The following WRAP53 variants were observed in gnomAD, a reference collection of about 807,000 sequenced individuals.
The protein encoded by WRAP53 is telomerase Cajal body protein 1.
WRAP53 carries 28 observed loss-of-function variants against 56.6 expected under a neutral mutation model. The observed-to-expected ratio is 0.50, with a 90% CI of 0.37 to 0.68. The LOEUF is 0.68. Among genes scored for constraint, WRAP53 ranks in the 30% least tolerant of loss-of-function variants. The pLI, the probability that WRAP53 is intolerant of heterozygous loss-of-function variation, is 0.00. For synonymous variants in WRAP53, 283 were observed against 283.4 expected (o/e 1.00, Z 0.01); for missense variants, 671 against 715.5 (o/e 0.94, Z 0.71).
chr17:7,696,066 C>G (rs541478763), intron 4 of WRAP53, among the ~76,000 whole-genome samples: 20 of 152,124 alleles, frequency 1.3e-4, no homozygotes. Flanking sequence ...GAAAGAGGAA[C>G]AGGGGCGCCT....
Position 7,702,082 on chromosome 17 carries a change from G to T in WRAP53, c.956-262G>T. 2.8e-6 allele frequency: 2 copies of T among 716,220 alleles called. No individual in the cohort carries two copies. The highest frequency in any genetic ancestry group is 5.0e-6 in the Non-Finnish European group (2 of 404,032). The allele number at this position is 716,220 out of a possible 1,614,324, so 44.4% of individuals were successfully genotyped here. A position where few individuals can be genotyped will look rare whatever the true frequency, so the allele number is the denominator to read the frequency against. Reference sequence around the variant, plus strand: ...GAAAATTGTTGATAAAGCTGATTCCGTTTTCCTGTAGGCCTTCAACTTGCA... The same window carrying T: ...GAAAATTGTTGATAAAGCTGATTCCTTTTTCCTGTAGGCCTTCAACTTGCA... On this transcript the variant is annotated intron_variant, in intron 7 of 10. Transcript: ENST00000396463. The surrounding 1 kb of genome is among the most constrained non-coding windows in gnomAD (Gnocchi z 5.0).
chr17:7,694,718 C>T (rs1481667482), intron 4 of WRAP53, among the ~76,000 whole-genome samples: 3 of 152,072 alleles, frequency 2.0e-5, no homozygotes, highest in Admixed American at 6.6e-5. Context: ...GTCCCAGCTA[C>T]TTGGGAGGCT....
chr17:7,699,872 C>A (rs2074251432), intron 4 of WRAP53, among the ~76,000 whole-genome samples: 1 of 148,556 alleles, frequency 6.7e-6, no homozygotes, highest in Admixed American at 6.7e-5. Context: ...GTAGCTGGGA[C>A]TACAGGCATG....
chr17:7,703,464 G>T lies in WRAP53; in HGVS notation c.1625G>T (p.Gly542Val), dbSNP rs2074304916. 6.2e-7 allele frequency: 1 copy of T among 1,613,816 alleles called. No homozygotes were observed. The highest frequency in any genetic ancestry group is 2.2e-5 in the East Asian group (1 of 44,848). Residue 542 changes from glycine to valine, a missense_variant, in exon 11 of 11, where the codon GGA becomes GTA. Gly to Val is a moderately radical substitution (Grantham distance 109). Coordinates refer to ENST00000396463, the MANE Select transcript of WRAP53 (RefSeq NM_001143992.2). The part of the protein sequence containing the change: ...QGEKGQGGTE[G>V]GVGELI ...GAGAAAGGGCAGGGAGGAACGGAGG[G>T]AGGTGTGGGTGAGCTGATATAAAAA...
chr17:7,695,372 C>CT (rs1414563737), intron 4 of WRAP53, among the ~76,000 whole-genome samples: 29 of 152,242 alleles, frequency 1.9e-4, no homozygotes, highest in Non-Finnish European at 3.4e-4. Flanking sequence ...TTTCTCCTTT[C>CT]TTTTCCACCT....
rs138784430 is a variant in WRAP53 at position 7,702,423 on chromosome 17, C to G, written c.1035C>G (p.Tyr345Ter). 3 of 1,614,008 alleles carry G rather than the reference C, an allele frequency of 1.9e-6. No individual in the cohort carries two copies. Among genetic ancestry groups the G allele is most frequent in the African/African-American group, 2.7e-5 (2 of 74,922 alleles). ...PAQPLYACGS[Y>*]GRSLGLYAWD... Reference sequence around the variant, plus strand: ...AGCCCCTCTATGCCTGTGGCTCCTACGGCCGCTCCCTGGGTCTGTATGCCT... The same window carrying G: ...AGCCCCTCTATGCCTGTGGCTCCTAGGGCCGCTCCCTGGGTCTGTATGCCT... Residue 345 changes from tyrosine (Y) to a stop codon, truncating the protein, a stop_gained, in exon 8 of 11, where the codon TAC (tyrosine) becomes TAG (stop). Transcript: ENST00000396463. LOFTEE classifies it high-confidence loss of function. This position sits in a 1 kb window ranked among gnomAD's most constrained non-coding sequence, Gnocchi z 5.0.
chr17:7,687,095 C>T (rs2074010231), upstream of WRAP53: 2 of 388,520 alleles, frequency 5.1e-6, no homozygotes, highest in Admixed American at 4.5e-5. Context: ...CAAAGAAGTA[C>T]GCTTTAGGCC....
intron 4 of WRAP53, among the ~76,000 whole-genome samples, chr17:7,693,739 A>G (rs1251218542): frequency 6.6e-6 from 1 of 152,162 alleles, no homozygotes; most frequent in Admixed American, 6.5e-5. Flanking sequence ...ATAAAATTAA[A>G]AAAAAGTACT....
At chr17:7,690,881 C>T (rs1161984154) in intron 4 of WRAP53, among the ~76,000 whole-genome samples, 1 of 152,014 alleles carries the variant, frequency 6.6e-6, no homozygotes, top group Non-Finnish European at 1.5e-5. Flanking sequence ...CACTGCACTC[C>T]AGCCTGGGCG....
In WRAP53 at chr17:7,701,770, C is replaced by T. The variant is rs73248508; in HGVS notation, c.936C>T (p.Cys312=). The change falls in exon 7 of 11, where the codon TGC becomes TGT. Residue 312 remains cysteine, a synonymous_variant. Transcript: ENST00000396463. The surrounding 1 kb of genome is among the most constrained non-coding windows in gnomAD (Gnocchi z 4.2). ...CCACGGCCCGGCCTGGCCGAGACTG[C>T]GAGGTCCGAGCCACATTTGGTAAGC... ...VFSTARPGRD[C]EVRATFAKKQ... is the part of the protein sequence containing the mutation. 4,305 of 1,613,614 alleles carry T rather than the reference C, an allele frequency of 2.7e-3. 15 individuals carry two copies. The highest frequency in any genetic ancestry group is 0.015 in the African/African-American group (1,136 of 75,064).
In WRAP53 at chr17:7,688,499, T is replaced by C; in HGVS notation, c.-64T>C. 1.3e-6 allele frequency: 1 copy of C among 792,770 alleles called. No homozygotes were observed. The highest frequency in any genetic ancestry group is 2.0e-6 in the Non-Finnish European group (1 of 505,516). The allele number at this position is 792,770 out of a possible 1,614,324, so 49.1% of individuals were successfully genotyped here. On this transcript the variant is annotated 5_prime_UTR_variant, in exon 1 of 11. Transcript: ENST00000396463. Reference sequence around the variant, plus strand: ...CACAGTGCTTTCAAAAGAATTGGCGTCCGCTGTTCGCCTCTCCTCCCGGGA... The same window carrying C: ...CACAGTGCTTTCAAAAGAATTGGCGCCCGCTGTTCGCCTCTCCTCCCGGGA...
chr17:7,702,226 A>T lies in WRAP53; in HGVS notation c.956-118A>T. On this transcript the variant is annotated intron_variant, in intron 7 of 10. Transcript: ENST00000396463. This position sits in a 1 kb window ranked among gnomAD's most constrained non-coding sequence, Gnocchi z 5.0. ...CTTTGTCCTGCTTGTGACAGACAGC[A>T]TGGGGGGGATGTTGAGTCCAAGCAT... The T allele has an allele frequency of 9.2e-7, 1 of 1,089,376 alleles. No homozygotes were observed. The highest frequency in any genetic ancestry group is 1.4e-6 in the Non-Finnish European group (1 of 719,904). The allele number at this position is 1,089,376 out of a possible 1,614,324, so 67.5% of individuals were successfully genotyped here.
intron 4 of WRAP53, among the ~76,000 whole-genome samples, chr17:7,693,831 A>G (rs1057036125): frequency 1.3e-5 from 2 of 152,218 alleles, no homozygotes; most frequent in Non-Finnish European, 2.9e-5. Context: ...CAAGAATAGG[A>G]GGATGGTATG....
chr17:7,696,208 G>A (rs2074181697), intron 4 of WRAP53, among the ~76,000 whole-genome samples: 1 of 151,762 alleles, frequency 6.6e-6, no homozygotes, highest in South Asian at 2.1e-4. Flanking sequence ...TTGGAGCCTA[G>A]GACATGTGAA....
chr17:7,703,213 A>C, intron 10 of WRAP53, 30 bp from the exon 11 acceptor site: 31 of 1,613,060 alleles, frequency 1.9e-5, no homozygotes, highest in Non-Finnish European at 2.6e-5. Flanking sequence ...CACTGAAGGC[A>C]CTGATAGACC....
chr17:7,692,334 T>C (rs975540739), intron 4 of WRAP53, among the ~76,000 whole-genome samples: 34 of 147,806 alleles, frequency 2.3e-4, no homozygotes, highest in African/African-American at 5.7e-4. Flanking sequence ...CAAAAATTAG[T>C]TGGGGCTGGG....
At position 7,689,677 on chromosome 17, in the gene WRAP53, G is replaced by T; in HGVS notation, c.618G>T (p.Gly206=). The T allele has an allele frequency of 3.1e-6, 5 of 1,614,084 alleles. No individual in the cohort carries two copies. The highest frequency in any genetic ancestry group is 4.2e-6 in the Non-Finnish European group (5 of 1,179,976). Residue 206 remains glycine, a synonymous_variant, in exon 4 of 11, where the codon GGG becomes GGT. Coordinates refer to ENST00000396463, the MANE Select transcript of WRAP53 (RefSeq NM_001143992.2). ...TGCCCCCAGAGCTGTACCATGAGGGGGAGCAGGTGGAATATGCAGAAATGG... is the reference window on the plus strand; with the variant it reads ...TGCCCCCAGAGCTGTACCATGAGGGTGAGCAGGTGGAATATGCAGAAATGG... The part of the protein sequence containing the change: ...YNLPPELYHE[G]EQVEYAEMVP...
rs374535338 is a variant in WRAP53, at chr17:7,701,441, T to C, written c.732-18T>C. 3.8e-5 allele frequency: 62 copies of C among 1,614,048 alleles called. No homozygotes were observed. The African/African-American group carries it at 8.0e-4, about 21-fold the overall frequency. The stretch of plus-strand genomic sequence containing the variant: ...TCCTTTGACAGCACCGGGGTTTCAG[T>C]GTCCATGTCTCTCTCAGCGTGGCCA... On this transcript the variant is annotated intron_variant, in intron 5 of 10. Transcript: ENST00000396463. The surrounding 1 kb of genome is among the most constrained non-coding windows in gnomAD (Gnocchi z 4.2).
rs545878591 is a variant in WRAP53 at position 7,702,922 on chromosome 17, GTC to G, written c.1269-70_1269-69del. 194 of 1,612,796 alleles carry G rather than the reference GTC, an allele frequency of 1.2e-4. No individual in the cohort carries two copies. In the African/African-American group the frequency reaches 2.0e-3, roughly 16 times the overall value. On this transcript the variant is annotated intron_variant, in intron 9 of 10. Coordinates refer to ENST00000396463, the MANE Select transcript of WRAP53 (RefSeq NM_001143992.2). The surrounding 1 kb of genome is among the most constrained non-coding windows in gnomAD (Gnocchi z 5.0). ...GCCAGAGCCCAGCTGTAGGGTCCCAGTCCCTGGGTGTGAGGGGTTCCTGCCCC... is the reference window on the plus strand; with the variant it reads ...GCCAGAGCCCAGCTGTAGGGTCCCAGCCTGGGTGTGAGGGGTTCCTGCCCC...
Sources: allele counts gnomAD v4.1 joint callset (sites outside exome capture counted in the v4.1 genomes callset), GRCh38; gene constraint gnomAD v4.1.1; non-coding constraint Gnocchi (gnomAD v3.1); transcripts MANE v1.5; gene names NCBI Gene and HGNC (gene_info 2026-07-23, HGNC 2026-07-21).